The following P2RY6 variants were observed in gnomAD, a reference collection of about 807,000 sequenced individuals.
P2RY6 encodes P2Y purinoceptor 6.
P2RY6 carries 19 observed loss-of-function variants against 16.3 expected under a neutral mutation model. The ratio of observed to expected loss-of-function variants is 1.16; its 90% confidence interval spans 0.81 to 1.71. P2RY6 has a LOEUF of 1.71. P2RY6 is among the 40% of genes most tolerant of loss of function. The probability of loss-of-function intolerance (pLI) is 0.00; values close to 1 mark genes in which losing one functional copy is unlikely to be tolerated. For missense variants in P2RY6, 389 were observed against 455.5 expected (o/e 0.85, Z 1.33); for synonymous variants, 184 against 201.5 (o/e 0.91, Z 0.74).
intron 1 of P2RY6, among the ~76,000 whole-genome samples, chr11:73,292,132 G>T (rs938269209): frequency 3.9e-5 from 6 of 152,242 alleles, no homozygotes; most frequent in Admixed American, 3.9e-4. Context: ...TGGGTCCTCA[G>T]GGGCATCACA....
At chr11:73,265,297 C>T (rs1316236948) in intron 1 of P2RY6, 1 of 152,280 alleles carries the variant, frequency 6.6e-6, no homozygotes, top group Non-Finnish European at 1.5e-5. Context: ...GTCCCAGGCT[C>T]ACCCTCTCAC....
At chr11:73,286,701 AG>A (rs913194582) in intron 1 of P2RY6, among the ~76,000 whole-genome samples, 3 of 152,188 alleles carry the variant, frequency 2.0e-5, no homozygotes, top group Admixed American at 2.0e-4. Flanking sequence ...CTGGTCTCTG[AG>A]GCTCCAGAGG....
At chr11:73,276,604 A>T (rs574946216) in intron 1 of P2RY6, among the ~76,000 whole-genome samples, 1 of 152,374 alleles carries the variant, frequency 6.6e-6, no homozygotes, top group Non-Finnish European at 1.5e-5. Context: ...AATAAGTCAG[A>T]CACAAAATGA....
chr11:73,272,971 G>A (rs193046560), intron 1 of P2RY6, among the ~76,000 whole-genome samples: 7 of 152,198 alleles, frequency 4.6e-5, no homozygotes, highest in African/African-American at 1.7e-4. Context: ...TTGAGGGAAT[G>A]AGTAGGAAGG....
At chr11:73,287,185 C>A (rs140020865) in intron 1 of P2RY6, among the ~76,000 whole-genome samples, 2 of 152,368 alleles carry the variant, frequency 1.3e-5, no homozygotes, top group East Asian at 3.9e-4. Flanking sequence ...GTGGCAGTAT[C>A]TCCGTCGCCC....
chr11:73,265,475 G>A (rs1863071166), intron 1 of P2RY6: 1 of 151,146 alleles, frequency 6.6e-6, no homozygotes, highest in Non-Finnish European at 1.5e-5. Context: ...GGTAAGCTGG[G>A]TTTATCTTGT....
chr11:73,290,363 GAAGGAAAGAAAGA>G (rs1864188637), intron 1 of P2RY6, among the ~76,000 whole-genome samples: 1 of 103,714 alleles, frequency 9.6e-6, no homozygotes, highest in African/African-American at 4.5e-5. Flanking sequence ...AAGAAAGAAA[GAAGGAAAGAAAGA>G]GAAAGAAAGA....
upstream of P2RY6, among the ~76,000 whole-genome samples, chr11:73,271,313 G>A (rs1453501591): frequency 2.6e-5 from 4 of 152,150 alleles, no homozygotes; most frequent in African/African-American, 4.8e-5. Context: ...GTAGCAGGAC[G>A]AGCCGCGGAC....
In P2RY6 at chr11:73,297,693, G is replaced by A; in HGVS notation, c.*188G>A. 1.6e-6 allele frequency: 1 copy of A among 615,194 alleles called. No homozygotes were observed. Among genetic ancestry groups the A allele is most frequent in the Admixed American group, 3.0e-5 (1 of 33,630 alleles). 38.1% of individuals were successfully genotyped at this position (615,194 alleles called of 1,614,324 possible). On this transcript the variant is annotated 3_prime_UTR_variant, in exon 3 of 3. Transcript: ENST00000540124. ...CCCTTCTCTGGCCCAGACCCTGTGG[G>A]CATGGAGATGGACAGACCTGGGCCT...
intron 1 of P2RY6, among the ~76,000 whole-genome samples, chr11:73,277,846 C>T (rs1467618663): frequency 4.6e-5 from 7 of 152,230 alleles, no homozygotes; most frequent in African/African-American, 1.7e-4. Context: ...GCTGTCTGCT[C>T]TACAGATATC....
chr11:73,296,385 C>A, intron 2 of P2RY6, 100 bp from the exon 3 acceptor site: 1 of 1,036,632 alleles, frequency 9.6e-7, no homozygotes, highest in Non-Finnish European at 1.4e-6. Context: ...AAAGTTAGTG[C>A]CCTCACTGTT....
intron 1 of P2RY6, among the ~76,000 whole-genome samples, chr11:73,278,262 TC>T (rs756755357): frequency 9.1e-4 from 138 of 151,912 alleles, no homozygotes; most frequent in Non-Finnish European, 1.8e-3. Flanking sequence ...ACCTCTGCCT[TC>T]CAGGTTCAAG....
At chr11:73,270,846 G>A (rs1338084928), upstream of P2RY6, among the ~76,000 whole-genome samples, 1 of 152,118 alleles carries the variant, frequency 6.6e-6, no homozygotes, top group Non-Finnish European at 1.5e-5. Flanking sequence ...CTAGGTGGCT[G>A]GGAGAGGGTG....
intron 1 of P2RY6, among the ~76,000 whole-genome samples, chr11:73,290,308 AAAGAAAGAAAGAAAG>A (rs1565170545): frequency 2.2e-4 from 9 of 40,108 alleles, no homozygotes; most frequent in East Asian, 1.3e-3. Flanking sequence ...GAAAGAAAAG[AAAGAAAGAAAGAAAG>A]AAAGAAAGAA....
At chr11:73,280,991 G>A (rs953528729) in intron 1 of P2RY6, among the ~76,000 whole-genome samples, 1 of 152,208 alleles carries the variant, frequency 6.6e-6, no homozygotes, top group African/African-American at 2.4e-5. Flanking sequence ...GAAAGCATGA[G>A]AAGGATGTGG....
At chr11:73,290,321 AAG>A (rs1491406487) in intron 1 of P2RY6, among the ~76,000 whole-genome samples, 1 of 135,048 alleles carries the variant, frequency 7.4e-6, no homozygotes, top group African/African-American at 2.7e-5. Context: ...GAAAGAAAGA[AAG>A]AAAGAAAGAA....
rs1303006521 is a variant in P2RY6, at chr11:73,296,514, C to A, written c.-5C>A. On this transcript the variant is annotated 5_prime_UTR_variant, in exon 3 of 3. Coordinates refer to ENST00000540124, the MANE Select transcript of P2RY6 (RefSeq NM_001277204.2). ...CCTGAACATAGGAAACCCACCTGGG[C>A]AGCCATGGAATGGGACAATGGCACA... The A allele has an allele frequency of 4.3e-6, 7 of 1,610,276 alleles. No individual in the cohort carries two copies. In the African/African-American group the frequency reaches 9.3e-5, roughly 22 times the overall value.
chr11:73,285,932 T>C (rs992402643), intron 1 of P2RY6, among the ~76,000 whole-genome samples: 1 of 152,162 alleles, frequency 6.6e-6, no homozygotes, highest in Non-Finnish European at 1.5e-5. Context: ...CAAGCTGGAC[T>C]GGTGTGGGAG....
At chr11:73,294,567 C>G (rs1401556969) in intron 1 of P2RY6, among the ~76,000 whole-genome samples, 1 of 152,292 alleles carries the variant, frequency 6.6e-6, no homozygotes, top group Non-Finnish European at 1.5e-5. Flanking sequence ...CACCCAGCAC[C>G]CCTAGCATAT....
Sources: allele counts gnomAD v4.1 joint callset (sites outside exome capture counted in the v4.1 genomes callset), GRCh38; gene constraint gnomAD v4.1.1; transcripts MANE v1.5; gene names NCBI Gene and HGNC (gene_info 2026-07-23, HGNC 2026-07-21).